FRMPD4: variants seen among roughly 807,000 people sequenced by gnomAD.
FRMPD4 encodes FERM and PDZ domain-containing protein 4.
Under a neutral mutation model 94.1 loss-of-function variants are expected in FRMPD4, and 22 were observed. The ratio of observed to expected loss-of-function variants is 0.23; its 90% CI spans 0.17 to 0.33. FRMPD4 has a LOEUF of 0.33. FRMPD4 is among the 10% of genes least tolerant of loss of function. The pLI is 1.00. For missense variants in FRMPD4, 1,111 were observed against 1,339.9 expected (o/e 0.83, Z 2.67); for synonymous variants, 631 against 548.6 (o/e 1.15, Z -2.10).
intron 1 of FRMPD4, among the ~76,000 whole-genome samples, chrX:12,227,793 C>A (rs370563328): frequency 9.8e-6 from 1 of 102,436 alleles, no homozygotes; most frequent in Non-Finnish European, 2.0e-5. Context: ...AGAGTGAGAC[C>A]CTGTCTTAAA....
In FRMPD4 at chrX:12,724,227, C is replaced by T. The variant is rs2042291262; in HGVS notation, c.*2369C>T. On this transcript the variant is annotated 3_prime_UTR_variant, in exon 17 of 17. Coordinates refer to ENST00000675598, the MANE Select transcript of FRMPD4 (RefSeq NM_001368397.1). ...TCCATTGGAGTTCTTTGAGAAGCCT[C>T]AGGGAAGTAGCTCTGGGTCCTTCTA... 1.8e-5 allele frequency: 2 copies of T among 111,408 alleles called. No individual in the cohort carries two copies. The highest frequency in any genetic ancestry group is 6.5e-5 in the African/African-American group (2 of 30,621). 9.2% of individuals were successfully genotyped at this position (111,408 alleles called of 1,213,427 possible). A position where few individuals can be genotyped will look rare whatever the true frequency, so the allele number is the denominator to read the frequency against.
rs756318044 is a variant in FRMPD4 at position 12,481,563 on chromosome X, G to A, written c.42-17117G>A. Among the ~76,000 whole-genome samples the A allele has an allele frequency of 5.4e-5, 6 of 110,857 alleles. No homozygotes were observed. In the East Asian group the frequency reaches 1.7e-3, roughly 31 times the overall value. ...TTGACCAGAAGCCTTACTGATAACT[G>A]TAAACAGTGGGTTAACACATATTTT... On this transcript the variant is annotated intron_variant, in intron 1 of 16. Coordinates refer to ENST00000675598, the MANE Select transcript of FRMPD4 (RefSeq NM_001368397.1).
At chrX:12,064,719 C>A (rs2054908063) in intron 3 of FRMPD4, among the ~76,000 whole-genome samples, 1 of 111,692 alleles carries the variant, frequency 9.0e-6, no homozygotes, top group Non-Finnish European at 1.9e-5. Flanking sequence ...TCTTCCAGTG[C>A]TCAAAAAGGA....
At chrX:12,454,927 G>A (rs1293763689) in intron 1 of FRMPD4, among the ~76,000 whole-genome samples, 1 of 108,396 alleles carries the variant, frequency 9.2e-6, no homozygotes. Flanking sequence ...CAGGGTTGAT[G>A]CAGGGCCGTA....
At chrX:12,098,920 G>C (rs2055230231) in intron 3 of FRMPD4, among the ~76,000 whole-genome samples, 1 of 108,957 alleles carries the variant, frequency 9.2e-6, no homozygotes, top group Non-Finnish European at 1.9e-5. Context: ...CTCCTCACTT[G>C]GGGTTTTGCA....
intron 3 of FRMPD4, among the ~76,000 whole-genome samples, chrX:11,883,711 G>A (rs1380402540): frequency 8.9e-6 from 1 of 111,935 alleles, no homozygotes; most frequent in East Asian, 2.8e-4. Flanking sequence ...CTTCCAGTAC[G>A]TATGCACAGG....
At chrX:12,139,795 G>T (rs1205278881) in intron 1 of FRMPD4, among the ~76,000 whole-genome samples, 2 of 111,599 alleles carry the variant, frequency 1.8e-5, no homozygotes, top group Non-Finnish European at 3.8e-5. Flanking sequence ...TAAGGTTTGT[G>T]CTGCTTGCTA....
At chrX:12,016,348 G>A (rs1407926904) in intron 3 of FRMPD4, among the ~76,000 whole-genome samples, 1 of 111,971 alleles carries the variant, frequency 8.9e-6, no homozygotes, top group Non-Finnish European at 1.9e-5. Flanking sequence ...TGTGGTTAGC[G>A]TACTTATTAT....
At chrX:11,827,062 TTA>T (rs796566750) in intron 1 of FRMPD4, among the ~76,000 whole-genome samples, 1,442 of 80,536 alleles carry the variant, frequency 0.018, 17 homozygotes, top group Middle Eastern at 0.048. Context: ...TAGATGGAAA[TTA>T]TATATATATA....
chrX:12,371,762 GT>G (rs1359077255), intron 1 of FRMPD4, among the ~76,000 whole-genome samples: 1 of 111,362 alleles, frequency 9.0e-6, no homozygotes, highest in East Asian at 2.8e-4. Flanking sequence ...TATGAATAGA[GT>G]GGCCACATAT....
At chrX:11,850,162 C>A (rs977579917) in intron 1 of FRMPD4, among the ~76,000 whole-genome samples, 2 of 112,125 alleles carry the variant, frequency 1.8e-5, no homozygotes, top group East Asian at 2.8e-4. Flanking sequence ...AATGACCAAC[C>A]AGCATATGAA....
At chrX:12,292,450 C>T (rs140759090) in intron 1 of FRMPD4, among the ~76,000 whole-genome samples, 1,195 of 110,278 alleles carry the variant, frequency 0.011, 13 homozygotes, top group African/African-American at 0.038. Context: ...AGTGCCTCAC[C>T]CTTATTCTAC....
At chrX:12,231,985 G>C (rs1304749281) in intron 1 of FRMPD4, among the ~76,000 whole-genome samples, 2 of 111,409 alleles carry the variant, frequency 1.8e-5, no homozygotes, top group African/African-American at 6.5e-5. Flanking sequence ...CTCCAAATCA[G>C]GGCACTGTTA....
chrX:12,513,882 T>C (rs1045794427), intron 2 of FRMPD4, among the ~76,000 whole-genome samples: 1 of 111,993 alleles, frequency 8.9e-6, no homozygotes, highest in Non-Finnish European at 1.9e-5. Context: ...GTGTGTCCTC[T>C]CTGATTTCTT....
chrX:12,265,417 A>G (rs965802001), intron 1 of FRMPD4, among the ~76,000 whole-genome samples: 1 of 111,712 alleles, frequency 9.0e-6, no homozygotes, highest in African/African-American at 3.3e-5. Context: ...GATTCCTTAG[A>G]GGGATTTTTC....
intron 3 of FRMPD4, among the ~76,000 whole-genome samples, chrX:12,040,435 T>C (rs1391911134): frequency 8.2e-5 from 9 of 109,818 alleles, no homozygotes; most frequent in Non-Finnish European, 1.5e-4. Context: ...ATTTCTCTTG[T>C]AGACATCATA....
chrX:12,269,869 C>A (rs1488578530), intron 1 of FRMPD4, among the ~76,000 whole-genome samples: 3 of 112,154 alleles, frequency 2.7e-5, no homozygotes, highest in South Asian at 3.7e-4. Flanking sequence ...GTGCCATTGG[C>A]ATGAGAGAAT....
chrX:11,877,167 C>T (rs1010270402), intron 2 of FRMPD4, among the ~76,000 whole-genome samples: 2 of 112,210 alleles, frequency 1.8e-5, no homozygotes, highest in African/African-American at 3.2e-5. Context: ...AGCTTTTTCT[C>T]GCCAAGTTTA....
intron 1 of FRMPD4, among the ~76,000 whole-genome samples, chrX:12,140,277 C>T (rs1211471693): frequency 8.9e-6 from 1 of 112,143 alleles, no homozygotes; most frequent in East Asian, 2.8e-4. Flanking sequence ...ACTGGAGATA[C>T]GCAGTTGATG....
Sources: allele counts gnomAD v4.1 joint callset (sites outside exome capture counted in the v4.1 genomes callset), GRCh38; gene constraint gnomAD v4.1.1; transcripts MANE v1.5; gene names NCBI Gene and HGNC (gene_info 2026-07-23, HGNC 2026-07-21).